The following ZMIZ1 variants were observed in gnomAD, a reference collection of about 807,000 sequenced individuals.
ZMIZ1 encodes zinc finger MIZ domain-containing protein 1.
A neutral mutation model predicts 113.9 loss-of-function variants in ZMIZ1; 17 were observed. The observed-to-expected ratio is 0.15, with a 90% CI of 0.10 to 0.22. The LOEUF (loss-of-function observed/expected upper bound fraction) is 0.22, where lower values mean the gene tolerates loss of function less well. Ranked by LOEUF, ZMIZ1 falls within the 10% of genes least tolerant of loss-of-function variation. The pLI is 1.00. For missense variants in ZMIZ1, 1,059 were observed against 1,477.8 expected, an observed-to-expected ratio of 0.72 and a Z score of 4.65; for synonymous variants, 607 against 603.1, an observed-to-expected ratio of 1.01 and a Z score of -0.09.
At chr10:79,093,295 T>C (rs1332617723) in intron 1 of ZMIZ1, among the ~76,000 whole-genome samples, 1 of 40,142 alleles carries the variant, frequency 2.5e-5, no homozygotes, top group Non-Finnish European at 6.1e-5. Flanking sequence ...TTTATTTTAT[T>C]TATTTATTTA....
chr10:79,155,851 C>G (rs1845884751), intron 3 of ZMIZ1, among the ~76,000 whole-genome samples: 1 of 152,252 alleles, frequency 6.6e-6, no homozygotes, highest in African/African-American at 2.4e-5. Context: ...GGAGAGGTAC[C>G]CTCCTGCCTG....
chr10:79,094,759 G>A (rs7922498), intron 1 of ZMIZ1, among the ~76,000 whole-genome samples: 44,798 of 152,038 alleles, frequency 0.29, 6,731 homozygotes, highest in African/African-American at 0.31. Flanking sequence ...GACTAGCCTG[G>A]GCAACACAGT....
At chr10:79,193,081 T>C (rs890040086) in intron 4 of ZMIZ1, among the ~76,000 whole-genome samples, 1 of 152,222 alleles carries the variant, frequency 6.6e-6, no homozygotes, top group South Asian at 2.1e-4. Context: ...GGTTTGGGAA[T>C]GCGCGAGCCA....
intron 20 of ZMIZ1, 72 bp from the exon 21 acceptor site, chr10:79,305,461 G>A (rs1476790704): frequency 2.0e-5 from 31 of 1,538,516 alleles, no homozygotes; most frequent in Non-Finnish European, 2.7e-5. Flanking sequence ...CACTGACACT[G>A]AGGTGGATGG....
chr10:79,277,065 A>C (rs1852339090), intron 7 of ZMIZ1, 116 bp from the exon 8 acceptor site: 1 of 1,335,364 alleles, frequency 7.5e-7, no homozygotes, highest in Non-Finnish European at 9.9e-7. Flanking sequence ...GCGTCACACG[A>C]ATCTGGGAGC....
chr10:79,128,337 C>T (rs920442174), intron 2 of ZMIZ1, among the ~76,000 whole-genome samples: 3 of 152,208 alleles, frequency 2.0e-5, no homozygotes, highest in Admixed American at 2.0e-4. Flanking sequence ...TGGCCCTCTG[C>T]CCTCATGCTG....
At chr10:79,217,484 C>G (rs953984088) in intron 7 of ZMIZ1, among the ~76,000 whole-genome samples, 5 of 152,136 alleles carry the variant, frequency 3.3e-5, no homozygotes, top group Non-Finnish European at 5.9e-5. Context: ...ATATTGTTAA[C>G]ATTCCTTATG....
At chr10:79,195,828 A>G (rs1299918622) in intron 4 of ZMIZ1, among the ~76,000 whole-genome samples, 1 of 152,234 alleles carries the variant, frequency 6.6e-6, no homozygotes, top group Non-Finnish European at 1.5e-5. Flanking sequence ...CTGGAAAGGT[A>G]GAGGGTTTGA....
At chr10:79,286,381 G>T (rs1416818332) in intron 8 of ZMIZ1, among the ~76,000 whole-genome samples, 2 of 152,240 alleles carry the variant, frequency 1.3e-5, no homozygotes, top group African/African-American at 2.4e-5. Flanking sequence ...GCCTGCGGGG[G>T]CGAGAGCCTT....
At chr10:79,231,563 TTTTG>T (rs1392195154) in intron 7 of ZMIZ1, among the ~76,000 whole-genome samples, 6 of 147,368 alleles carry the variant, frequency 4.1e-5, no homozygotes, top group African/African-American at 1.3e-4. Context: ...TGGTGGGGGG[TTTTG>T]TTTGTTTGTT....
intron 1 of ZMIZ1, among the ~76,000 whole-genome samples, chr10:79,108,738 T>C (rs1159304104): frequency 1.3e-5 from 2 of 152,046 alleles, no homozygotes; most frequent in Admixed American, 6.6e-5. Context: ...GACAGTGATA[T>C]AAATGCTTAC....
chr10:79,197,881 G>C (rs1158916614), intron 4 of ZMIZ1, among the ~76,000 whole-genome samples: 1 of 152,054 alleles, frequency 6.6e-6, no homozygotes, highest in African/African-American at 2.4e-5. Context: ...TGGACCAAGA[G>C]TTCCTTGAAC....
At chr10:79,289,691 G>T (rs1462896757) in intron 8 of ZMIZ1, 84 bp from the exon 9 acceptor site, 7 of 1,306,396 alleles carry the variant, frequency 5.4e-6, no homozygotes, top group Non-Finnish European at 1.1e-6. Context: ...GGGAGCTGCG[G>T]TCACTTGGTG....
intron 3 of ZMIZ1, among the ~76,000 whole-genome samples, chr10:79,156,153 GAAAT>G (rs1333401766): frequency 7.1e-6 from 1 of 141,392 alleles, no homozygotes; most frequent in Non-Finnish European, 1.5e-5. Context: ...TTTAAATAAA[GAAAT>G]GAATGAATGA....
At position 79,305,522 on chromosome 10, in the gene ZMIZ1, T is replaced by C. The variant is rs766141780; in HGVS notation, c.2355-11T>C. The C allele has an allele frequency of 1.2e-6, 2 of 1,613,768 alleles. No homozygotes were observed. The highest frequency in any genetic ancestry group is 2.2e-5 in the South Asian group (2 of 91,076). The stretch of plus-strand genomic sequence containing the variant: ...TGGAGCAGAGGCCAAGCTCCCCATC[T>C]CCTTTTCCAGTAAAACCGCTCTGCT... On this transcript the variant is annotated splice_polypyrimidine_tract_variant and intron_variant, in intron 20 of 24. Transcript: ENST00000334512.
chr10:79,293,128 C>G (rs1435551793), intron 11 of ZMIZ1, among the ~76,000 whole-genome samples: 1 of 151,508 alleles, frequency 6.6e-6, no homozygotes, highest in African/African-American at 2.4e-5. Flanking sequence ...GGAGTGACCA[C>G]CTCACCCCAC....
intron 23 of ZMIZ1, among the ~76,000 whole-genome samples, chr10:79,308,871 T>C (rs1431767457): frequency 6.6e-6 from 1 of 152,074 alleles, no homozygotes; most frequent in African/African-American, 2.4e-5. Flanking sequence ...TATTTCCCCT[T>C]GACAATCAAG....
At chr10:79,093,834 A>G (rs1843076003) in intron 1 of ZMIZ1, among the ~76,000 whole-genome samples, 1 of 152,106 alleles carries the variant, frequency 6.6e-6, no homozygotes, top group African/African-American at 2.4e-5. Context: ...CTGCAGACAG[A>G]CAGTCTTCCT....
intron 5 of ZMIZ1, among the ~76,000 whole-genome samples, chr10:79,203,909 A>G (rs945551312): frequency 6.6e-6 from 1 of 152,232 alleles, no homozygotes; most frequent in African/African-American, 2.4e-5. Flanking sequence ...GCACACACAC[A>G]GAGGGCTCTG....
Sources: allele counts gnomAD v4.1 joint callset (sites outside exome capture counted in the v4.1 genomes callset), GRCh38; gene constraint gnomAD v4.1.1; transcripts MANE v1.5; gene names NCBI Gene and HGNC (gene_info 2026-07-23, HGNC 2026-07-21).